The following CNTNAP5 variants were observed in gnomAD, a reference collection of about 807,000 sequenced individuals.
CNTNAP5 encodes contactin associated protein family member 5.
CNTNAP5 carries 72 observed loss-of-function variants against 150.2 expected under a neutral mutation model. The ratio of observed to expected loss-of-function variants is 0.48; its 90% CI spans 0.40 to 0.58. The LOEUF (loss-of-function observed/expected upper bound fraction) is 0.58. CNTNAP5 is among the 20% of genes least tolerant of loss of function. The pLI is 0.00. For missense variants in CNTNAP5, 1,636 were observed against 1,626.2 expected (o/e 1.01, Z -0.10); for synonymous variants, 672 against 619.8 (o/e 1.08, Z -1.25).
intron 13 of CNTNAP5, among the ~76,000 whole-genome samples, chr2:124,712,534 G>A (rs752947933): frequency 2.0e-5 from 3 of 152,178 alleles, no homozygotes; most frequent in Non-Finnish European, 4.4e-5. Context: ...TGCTGCTGGT[G>A]TGTCAGACAA....
chr2:124,357,562 G>T (rs1258068780), intron 3 of CNTNAP5, among the ~76,000 whole-genome samples: 1 of 151,258 alleles, frequency 6.6e-6, no homozygotes, highest in East Asian at 1.9e-4. Flanking sequence ...ATTAAATAGG[G>T]AATCCTTTCC....
rs147035758 is a variant in CNTNAP5, at chr2:124,429,931, G to C, written c.530-4553G>C. On this transcript the variant is annotated intron_variant, in intron 4 of 23. Coordinates refer to ENST00000682447, the MANE Select transcript of CNTNAP5 (RefSeq NM_001367498.1). ...CTCATTTCACAGGTGGTTCTGGATGGCATACCCTTCCGAGTCCATTGCGAG... is the reference window on the plus strand; with the variant it reads ...CTCATTTCACAGGTGGTTCTGGATGCCATACCCTTCCGAGTCCATTGCGAG... Among the ~76,000 whole-genome samples the C allele has an allele frequency of 2.1e-3, 315 of 152,258 alleles. 1 individual carries two copies. Among genetic ancestry groups the C allele is most frequent in the Non-Finnish European group, 3.2e-3 (218 of 68,022 alleles).
intron 17 of CNTNAP5, among the ~76,000 whole-genome samples, chr2:124,783,512 T>C (rs1257967863): frequency 6.6e-6 from 1 of 152,302 alleles, no homozygotes; most frequent in East Asian, 1.9e-4. Context: ...ATAAAGCCAG[T>C]AATAACAATG....
chr2:124,450,556 CAAAAAA>C (rs11299541), intron 6 of CNTNAP5, among the ~76,000 whole-genome samples: 1 of 65,000 alleles, frequency 1.5e-5, no homozygotes, highest in Non-Finnish European at 2.8e-5. Context: ...AATCTGCTGT[CAAAAAA>C]AAAAAAAAAA....
At chr2:124,433,401 C>T (rs754265984) in intron 4 of CNTNAP5, among the ~76,000 whole-genome samples, 2 of 152,178 alleles carry the variant, frequency 1.3e-5, no homozygotes, top group African/African-American at 4.8e-5. Context: ...AGTATTATTT[C>T]ATTTTCCTTT....
At position 124,541,155 on chromosome 2, in the gene CNTNAP5, G is replaced by A. The variant is rs1695371639; in HGVS notation, c.1649+13699G>A. On this transcript the variant is annotated intron_variant, in intron 10 of 23. Transcript: ENST00000682447. ...AATCCCTGTTTGGTGTGGAGACTTA[G>A]AGGATAAGAAGTACAAAATTCCGAT... 2.9e-5 allele frequency among the ~76,000 whole-genome samples: 4 copies of A among 137,174 alleles called. No homozygotes were observed. In the South Asian group the frequency reaches 9.7e-4, roughly 33 times the overall value. 90.0% of individuals were successfully genotyped at this position (137,174 alleles called of 152,430 possible). A position where few individuals can be genotyped will look rare whatever the true frequency, so the allele number is the denominator to read the frequency against.
At chr2:124,560,985 A>G (rs763007718) in intron 10 of CNTNAP5, among the ~76,000 whole-genome samples, 1 of 152,100 alleles carries the variant, frequency 6.6e-6, no homozygotes, top group Non-Finnish European at 1.5e-5. Flanking sequence ...AAAAAACTAC[A>G]GAATAAGCAC....
chr2:124,607,339 C>G (rs1677262812), intron 11 of CNTNAP5, among the ~76,000 whole-genome samples: 1 of 152,122 alleles, frequency 6.6e-6, no homozygotes, highest in Non-Finnish European at 1.5e-5. Context: ...ACCAAAACTT[C>G]CAGGCTCACT....
At chr2:124,901,245 T>A (rs761004969) in intron 21 of CNTNAP5, among the ~76,000 whole-genome samples, 3 of 151,578 alleles carry the variant, frequency 2.0e-5, no homozygotes, top group Non-Finnish European at 2.9e-5. Flanking sequence ...GTCTGTGTCC[T>A]AATCCTCAGA....
chr2:124,769,055 T>C (rs1681132651), intron 16 of CNTNAP5, among the ~76,000 whole-genome samples: 1 of 152,220 alleles, frequency 6.6e-6, no homozygotes, highest in East Asian at 1.9e-4. Flanking sequence ...GACCCTGAAA[T>C]CTCTCTCATG....
intron 2 of CNTNAP5, among the ~76,000 whole-genome samples, chr2:124,224,727 C>T (rs984085643): frequency 6.6e-6 from 1 of 151,822 alleles, no homozygotes; most frequent in Non-Finnish European, 1.5e-5. Flanking sequence ...TAAGATAAAA[C>T]TTGAAAGTCA....
chr2:124,835,711 T>C (rs1323885064), intron 19 of CNTNAP5, among the ~76,000 whole-genome samples: 1 of 152,164 alleles, frequency 6.6e-6, no homozygotes, highest in Non-Finnish European at 1.5e-5. Context: ...AAAATTACAT[T>C]ATTTTTTCTA....
At chr2:124,212,571 G>T (rs1162768706) in intron 1 of CNTNAP5, among the ~76,000 whole-genome samples, 1 of 151,978 alleles carries the variant, frequency 6.6e-6, no homozygotes, top group Non-Finnish European at 1.5e-5. Context: ...AATATAAAAG[G>T]TTGAATAGCT....
chr2:124,125,924 G>A (rs1683686023), intron 1 of CNTNAP5, among the ~76,000 whole-genome samples: 1 of 152,094 alleles, frequency 6.6e-6, no homozygotes, highest in Admixed American at 6.6e-5. Context: ...GTATGTAGAG[G>A]GAAATTTATA....
At chr2:124,281,421 A>T (rs191544573) in intron 3 of CNTNAP5, among the ~76,000 whole-genome samples, 2 of 152,322 alleles carry the variant, frequency 1.3e-5, no homozygotes, top group East Asian at 3.9e-4. Flanking sequence ...TTGCAAAAAG[A>T]GTATTCTAAA....
At chr2:124,051,896 G>C (rs1681706636) in intron 1 of CNTNAP5, among the ~76,000 whole-genome samples, 1 of 152,176 alleles carries the variant, frequency 6.6e-6, no homozygotes, top group Non-Finnish European at 1.5e-5. Flanking sequence ...CAAACTATCT[G>C]TGATAAAGGA....
chr2:124,025,675 A>C lies in CNTNAP5; in HGVS notation c.25A>C (p.Ser9Arg). 6.2e-7 allele frequency: 1 copy of C among 1,613,838 alleles called. No individual in the cohort carries two copies. The highest frequency in any genetic ancestry group is 1.3e-5 in the African/African-American group (1 of 74,984). ...AATGGATTCTTTACCACGGCTGACC[A>C]GCGTTTTGACTTTGCTGTTCTCTGG... MDSLPRLT[S>R]VLTLLFSGLW... Residue 9 changes from serine to arginine, a missense_variant, in exon 1 of 24, where the codon AGC (serine) becomes CGC (arginine). By Grantham distance (110) the Ser-to-Arg change is moderately radical. Transcript: ENST00000682447.
intron 3 of CNTNAP5, among the ~76,000 whole-genome samples, chr2:124,279,746 G>C (rs1452270808): frequency 1.3e-5 from 2 of 151,990 alleles, no homozygotes; most frequent in East Asian, 3.9e-4. Context: ...AGAGAGAAAG[G>C]ATGTGAGAGG....
Position 124,642,397 on chromosome 2 carries a change from G to A in CNTNAP5, c.1877-5361G>A, listed in dbSNP as rs142367226. ...TTAAAAGAGCAGCTTCAGAAATGCC[G>A]AAACTAAGAACCTGACAGTATACAA... On this transcript the variant is annotated intron_variant, in intron 12 of 23. Transcript: ENST00000682447. 7.9e-5 allele frequency among the ~76,000 whole-genome samples: 12 copies of A among 152,200 alleles called. No individual in the cohort carries two copies. The East Asian group carries it at 1.2e-3, about 15-fold the overall frequency.
Sources: gnomAD v4.1 joint callset for allele counts (sites outside exome capture counted in the v4.1 genomes callset) on GRCh38, gnomAD v4.1.1 for gene constraint, MANE v1.5 for transcripts, NCBI Gene and HGNC (gene_info 2026-07-23, HGNC 2026-07-21) for gene names.